The following LINGO2 variants were observed in gnomAD, a reference collection of about 807,000 sequenced individuals.
The protein encoded by LINGO2 is leucine-rich repeat and immunoglobulin-like domain-containing nogo receptor-interacting protein 2.
A neutral mutation model predicts 30.6 loss-of-function variants in LINGO2; 14 were observed. The ratio of observed to expected loss-of-function variants is 0.46; its 90% CI spans 0.30 to 0.72. The LOEUF (loss-of-function observed/expected upper bound fraction) is 0.72. Among genes scored for constraint, LINGO2 ranks in the 30% least tolerant of loss-of-function variants. LINGO2 has a pLI of 0.07. For missense variants in LINGO2, 729 were observed against 751.7 expected, an observed-to-expected ratio of 0.97 and a Z score of 0.35; for synonymous variants, 317 against 288.5, an observed-to-expected ratio of 1.10 and a Z score of -1.00.
At chr9:28,651,681 AAAC>A (rs1487161521) in intron 1 of LINGO2, among the ~76,000 whole-genome samples, 1 of 152,196 alleles carries the variant, frequency 6.6e-6, no homozygotes, top group East Asian at 1.9e-4. Context: ...ATTTAAAAAA[AAAC>A]AACAGCCTTT....
At chr9:28,959,003 G>C in the LINGO2 span, among the ~76,000 whole-genome samples, 1 of 152,150 alleles carries the variant, frequency 6.6e-6, no homozygotes. Flanking sequence ...GGTAGAACTT[G>C]GTGGAACACA....
chr9:28,049,618 T>A (rs1378599477), intron 4 of LINGO2, among the ~76,000 whole-genome samples: 8 of 150,680 alleles, frequency 5.3e-5, no homozygotes, highest in African/African-American at 7.4e-5. Flanking sequence ...ATTCAAATCT[T>A]ATCTAAAAAT....
intron 1 of LINGO2, among the ~76,000 whole-genome samples, chr9:28,658,459 T>C (rs1459526381): frequency 6.6e-6 from 1 of 152,090 alleles, no homozygotes; most frequent in Non-Finnish European, 1.5e-5. Context: ...TTACATCTTC[T>C]TGGTGATCTG....
chr9:28,010,442 A>AG, intron 5 of LINGO2, among the ~76,000 whole-genome samples: 1 of 152,100 alleles, frequency 6.6e-6, no homozygotes, highest in South Asian at 2.1e-4. Context: ...ATTGTTTTTC[A>AG]AGCATTATAA....
the LINGO2 span, among the ~76,000 whole-genome samples, chr9:28,869,789 T>C: frequency 6.6e-6 from 1 of 151,916 alleles, no homozygotes; most frequent in East Asian, 1.9e-4. Flanking sequence ...ACACTGCAAC[T>C]CCCACTGTTG....
chr9:28,252,879 T>G (rs1287473025), intron 4 of LINGO2, among the ~76,000 whole-genome samples: 1 of 152,056 alleles, frequency 6.6e-6, no homozygotes, highest in Non-Finnish European at 1.5e-5. Context: ...CAAATCATAT[T>G]GTAGATTGGC....
downstream of LINGO2, among the ~76,000 whole-genome samples, chr9:27,947,466 G>T (rs1462362053): frequency 6.6e-6 from 1 of 152,098 alleles, no homozygotes; most frequent in African/African-American, 2.4e-5. Flanking sequence ...ACACTAAATG[G>T]TTTTTAATCC....
At chr9:29,149,800 C>T in the LINGO2 span, among the ~76,000 whole-genome samples, 1 of 152,172 alleles carries the variant, frequency 6.6e-6, no homozygotes, top group African/African-American at 2.4e-5. Context: ...GATGCACATC[C>T]GCTAACGTCC....
chr9:28,494,545 AC>A (rs1002881817), intron 1 of LINGO2, among the ~76,000 whole-genome samples: 121 of 151,816 alleles, frequency 8.0e-4, no homozygotes, highest in African/African-American at 2.7e-3. Flanking sequence ...AAGGACATGA[AC>A]TCATCCTTTT....
intron 1 of LINGO2, among the ~76,000 whole-genome samples, chr9:28,487,284 T>C (rs1826209604): frequency 6.6e-6 from 1 of 152,150 alleles, no homozygotes; most frequent in African/African-American, 2.4e-5. Context: ...TTCTCACCAC[T>C]GTGATTTGGG....
At chr9:28,334,667 C>T (rs1422157198) in intron 3 of LINGO2, among the ~76,000 whole-genome samples, 1 of 152,088 alleles carries the variant, frequency 6.6e-6, no homozygotes, top group Non-Finnish European at 1.5e-5. Context: ...GAGTCCTATG[C>T]TTACTGGAAC....
intron 4 of LINGO2, among the ~76,000 whole-genome samples, chr9:28,055,515 G>A (rs1824887751): frequency 6.6e-6 from 1 of 152,148 alleles, no homozygotes; most frequent in African/African-American, 2.4e-5. Flanking sequence ...AAAATGTAAG[G>A]TACTTCTGTG....
chr9:28,339,085 T>C (rs1281882950), intron 3 of LINGO2, among the ~76,000 whole-genome samples: 7 of 152,274 alleles, frequency 4.6e-5, no homozygotes, highest in Middle Eastern at 3.4e-3. Flanking sequence ...TGTTTTATCT[T>C]AAAATCTAAT....
chr9:28,837,682 T>TATATATATATATATATATATATATA, the LINGO2 span, among the ~76,000 whole-genome samples: 1 of 46,776 alleles, frequency 2.1e-5, no homozygotes, highest in Non-Finnish European at 5.2e-5. Flanking sequence ...ATATATATAT[T>TATATATATATATATATATATATATA]TAGGATAACA....
chr9:29,211,510 T>G, the LINGO2 span, among the ~76,000 whole-genome samples: 1 of 152,066 alleles, frequency 6.6e-6, no homozygotes, highest in Non-Finnish European at 1.5e-5. Context: ...AAGCTTAACT[T>G]CGCCCTCCTT....
chr9:28,103,827 T>G (rs1355890997), intron 4 of LINGO2, among the ~76,000 whole-genome samples: 1 of 152,184 alleles, frequency 6.6e-6, no homozygotes, highest in Non-Finnish European at 1.5e-5. Flanking sequence ...CCATTTTAAC[T>G]CTTTTGAATA....
the LINGO2 span, among the ~76,000 whole-genome samples, chr9:28,829,007 G>A: frequency 2.0e-5 from 3 of 152,028 alleles, no homozygotes; most frequent in East Asian, 3.9e-4. Context: ...TTCCTTGCTC[G>A]AATGTTGCCT....
At chr9:28,536,092 C>G (rs561096688) in intron 1 of LINGO2, among the ~76,000 whole-genome samples, 4 of 151,918 alleles carry the variant, frequency 2.6e-5, no homozygotes, top group African/African-American at 9.7e-5. Context: ...GTATCCTTGA[C>G]TAAAAATGAA....
At chr9:28,568,314 G>C (rs1274866099) in intron 1 of LINGO2, among the ~76,000 whole-genome samples, 1 of 151,962 alleles carries the variant, frequency 6.6e-6, no homozygotes, top group Non-Finnish European at 1.5e-5. Context: ...ACAGACACGG[G>C]GGTCTACTTG....
Sources: allele counts gnomAD v4.1 joint callset (sites outside exome capture counted in the v4.1 genomes callset), GRCh38; gene constraint gnomAD v4.1.1; transcripts MANE v1.5; gene names NCBI Gene and HGNC (gene_info 2026-07-23, HGNC 2026-07-21).